Variants in TMTC2 observed in about 807,000 individuals in gnomAD.
TMTC2 encodes transmembrane O-mannosyltransferase targeting cadherins 2.
TMTC2 carries 43 observed loss-of-function variants against 82.4 expected under a neutral mutation model. The ratio of observed to expected loss-of-function variants is 0.52; its 90% CI spans 0.41 to 0.67. The LOEUF is 0.67. Among genes scored for constraint, TMTC2 ranks in the 30% least tolerant of loss-of-function variants. TMTC2 has a pLI of 0.00. For missense variants in TMTC2, 919 were observed against 1,012.4 expected (o/e 0.91, Z 1.25); for synonymous variants, 408 against 381.9 (o/e 1.07, Z -0.80).
intron 1 of TMTC2, among the ~76,000 whole-genome samples, chr12:82,782,057 A>C (rs1354790963): frequency 6.6e-6 from 1 of 152,120 alleles, no homozygotes; most frequent in Non-Finnish European, 1.5e-5. Context: ...CTATTTATTT[A>C]GAAATATGTA....
intron 1 of TMTC2, among the ~76,000 whole-genome samples, chr12:82,719,059 T>TTATATATA (rs1271920285): frequency 4.0e-4 from 38 of 94,436 alleles, no homozygotes; most frequent in African/African-American, 1.2e-3. Flanking sequence ...TTAGATGATT[T>TTATATATA]TATATATATA....
chr12:82,875,889 A>G (rs1872460283), intron 2 of TMTC2, among the ~76,000 whole-genome samples: 1 of 143,582 alleles, frequency 7.0e-6, no homozygotes, highest in Admixed American at 6.9e-5. Flanking sequence ...CATGAAGGAG[A>G]GCTCACGCTT....
chr12:83,120,680 G>A (rs1454662828), intron 11 of TMTC2, among the ~76,000 whole-genome samples: 1 of 152,150 alleles, frequency 6.6e-6, no homozygotes, highest in East Asian at 1.9e-4. Context: ...TGTGCTTCTT[G>A]TATTTGGTTG....
intron 1 of TMTC2, among the ~76,000 whole-genome samples, chr12:82,742,349 TGAA>T (rs2136954831): frequency 2.0e-5 from 1 of 51,204 alleles, no homozygotes; most frequent in East Asian, 6.1e-4. Flanking sequence ...GGGGCCTAAA[TGAA>T]GAAGTTTAAA....
At chr12:82,942,863 G>A (rs914924537) in intron 4 of TMTC2, among the ~76,000 whole-genome samples, 7 of 152,066 alleles carry the variant, frequency 4.6e-5, no homozygotes, top group Non-Finnish European at 1.0e-4. Flanking sequence ...AACAAAAGAT[G>A]AAACATTTTC....
intron 1 of TMTC2, among the ~76,000 whole-genome samples, chr12:82,750,458 T>C (rs1875927086): frequency 6.6e-6 from 1 of 152,144 alleles, no homozygotes; most frequent in Admixed American, 6.6e-5. Flanking sequence ...CTGCACTCTG[T>C]TCTCCGCACC....
At chr12:82,845,943 G>GTT (rs199718259) in intron 1 of TMTC2, among the ~76,000 whole-genome samples, 3 of 137,804 alleles carry the variant, frequency 2.2e-5, no homozygotes, top group Admixed American at 7.3e-5. Flanking sequence ...TTTTGTGTTT[G>GTT]TTTTTTTTTT....
At chr12:82,897,868 C>A (rs986247220) in intron 3 of TMTC2, among the ~76,000 whole-genome samples, 1 of 152,066 alleles carries the variant, frequency 6.6e-6, no homozygotes, top group Non-Finnish European at 1.5e-5. Context: ...AGCATTTGAA[C>A]TGGCATTTTT....
chr12:82,711,922 G>A (rs1169845909), intron 1 of TMTC2, among the ~76,000 whole-genome samples: 11 of 152,192 alleles, frequency 7.2e-5, no homozygotes, highest in Non-Finnish European at 1.5e-4. Context: ...GCTCCTCTTA[G>A]AGAGAAGTGA....
intron 3 of TMTC2, among the ~76,000 whole-genome samples, chr12:82,898,986 T>C (rs987396363): frequency 6.6e-6 from 1 of 152,236 alleles, no homozygotes; most frequent in South Asian, 2.1e-4. Context: ...AAAGTTACGA[T>C]TCTAAATAAG....
At chr12:82,935,331 A>G (rs943380705) in intron 4 of TMTC2, among the ~76,000 whole-genome samples, 1 of 152,138 alleles carries the variant, frequency 6.6e-6, no homozygotes, top group Non-Finnish European at 1.5e-5. Flanking sequence ...TCATGCATTT[A>G]TTGTACAGCC....
chr12:82,784,642 C>T (rs17724559), intron 1 of TMTC2, among the ~76,000 whole-genome samples: 36,968 of 151,936 alleles, frequency 0.24, 4,765 homozygotes, highest in Middle Eastern at 0.4. Context: ...TATTTGTAGG[C>T]GAAGGGTAAC....
chr12:82,724,574 G>A (rs1460943844), intron 1 of TMTC2, among the ~76,000 whole-genome samples: 1 of 152,090 alleles, frequency 6.6e-6, no homozygotes, highest in Non-Finnish European at 1.5e-5. Context: ...TAAGTTTCCT[G>A]AGGCCTCCCC....
chr12:82,795,387 A>G (rs758047018), intron 1 of TMTC2, among the ~76,000 whole-genome samples: 15 of 151,848 alleles, frequency 9.9e-5, no homozygotes, highest in Non-Finnish European at 2.2e-4. Flanking sequence ...TATATCCACT[A>G]TAGAAAACTC....
intron 1 of TMTC2, among the ~76,000 whole-genome samples, chr12:82,778,177 T>C (rs1158029396): frequency 6.6e-6 from 1 of 152,134 alleles, no homozygotes; most frequent in Non-Finnish European, 1.5e-5. Context: ...CTCTCACCTC[T>C]CCAACAATAT....
At chr12:82,989,562 A>ACC (rs34122946) in intron 8 of TMTC2, among the ~76,000 whole-genome samples, 4 of 149,354 alleles carry the variant, frequency 2.7e-5, no homozygotes, top group African/African-American at 9.8e-5. Flanking sequence ...GCCCACCTGC[A>ACC]CCCCCCCCAA....
intron 1 of TMTC2, among the ~76,000 whole-genome samples, chr12:82,696,211 T>G (rs1279724244): frequency 6.6e-6 from 1 of 152,208 alleles, no homozygotes; most frequent in African/African-American, 2.4e-5. Context: ...ACATTTTTAT[T>G]TGCAGAAATA....
chr12:83,077,938 G>A (rs1349270263), intron 11 of TMTC2, among the ~76,000 whole-genome samples: 2 of 144,558 alleles, frequency 1.4e-5, no homozygotes, highest in African/African-American at 5.2e-5. Flanking sequence ...CCTAAGATGG[G>A]TGGAAGGAAA....
intron 1 of TMTC2, among the ~76,000 whole-genome samples, chr12:82,784,347 G>A (rs1324662745): frequency 6.6e-6 from 1 of 152,004 alleles, no homozygotes; most frequent in Non-Finnish European, 1.5e-5. Context: ...AGGTGTGTTG[G>A]GAGAACCTGC....
Sources: allele counts gnomAD v4.1 joint callset (sites outside exome capture counted in the v4.1 genomes callset), GRCh38; gene constraint gnomAD v4.1.1; transcripts MANE v1.5; gene names NCBI Gene and HGNC (gene_info 2026-07-23, HGNC 2026-07-21).